MINPP1: variants seen among roughly 807,000 people sequenced by gnomAD.
The protein encoded by MINPP1 is multiple inositol polyphosphate phosphatase 1.
MINPP1 carries 28 observed loss-of-function variants against 46.1 expected under a neutral mutation model. The ratio of observed to expected loss-of-function variants is 0.61; its 90% CI spans 0.45 to 0.83. MINPP1 has a LOEUF of 0.83. Among genes scored for constraint, MINPP1 ranks in the 40% least tolerant of loss-of-function variants. The probability of loss-of-function intolerance (pLI) is 0.00; values close to 1 mark genes in which losing one functional copy is unlikely to be tolerated. For synonymous variants in MINPP1, 268 were observed against 249.1 expected, an observed-to-expected ratio of 1.08 and a Z score of -0.72; for missense variants, 603 against 610.0, an observed-to-expected ratio of 0.99 and a Z score of 0.12.
rs1241232705 is a variant in MINPP1, at chr10:87,505,520, A to G, written c.605A>G (p.Tyr202Cys). ...AAFLQGLWQH[Y>C]HPGLPPPDVA... ...TTCCTGCAGGGGCTGTGGCAGCACT[A>G]CCACCCTGGCTTGCCGCCGCCGGAC... The change falls in exon 1 of 5, where the codon TAC (tyrosine) becomes TGC (cysteine). Residue 202 changes from tyrosine to cysteine, a missense_variant. Tyr to Cys is a radical substitution (Grantham distance 194, BLOSUM62 -2). This residue lies in a region of MINPP1 where 344 missense variants were observed against 381.1 expected (regional missense o/e 0.90). Coordinates refer to ENST00000371996, the MANE Select transcript of MINPP1 (RefSeq NM_004897.5). The surrounding 1 kb of genome is among the most constrained non-coding windows in gnomAD (Gnocchi z 4.4). The G allele has an allele frequency of 6.2e-7, 1 of 1,610,938 alleles. No individual in the cohort carries two copies. The highest frequency in any genetic ancestry group is 1.1e-5 in the South Asian group (1 of 90,852).
At chr10:87,521,201 T>G in intron 4 of MINPP1, 32 bp downstream of exon 4, 2 of 1,584,242 alleles carry the variant, frequency 1.3e-6, no homozygotes. Flanking sequence ...TGAAGTACAT[T>G]TTGAGTTACT....
At position 87,505,486 on chromosome 10, in the gene MINPP1, A is replaced by C; in HGVS notation, c.571A>C (p.Ser191Arg). ...TSSKHRCMDSSAAFLQGLWQH... is the reference protein window; with the variant it reads ...TSSKHRCMDSRAAFLQGLWQH... The stretch of plus-strand genomic sequence containing the variant: ...TTCCAAGCACCGCTGCATGGATAGC[A>C]GCGCCGCCTTCCTGCAGGGGCTGTG... Residue 191 changes from serine (S) to arginine (R), a missense_variant, in exon 1 of 5, where the codon AGC becomes CGC. Transcript: ENST00000371996. This position sits in a 1 kb window ranked among gnomAD's most constrained non-coding sequence, Gnocchi z 4.4. The C allele has an allele frequency of 6.2e-7, 1 of 1,612,746 alleles. No homozygotes were observed. The highest frequency in any genetic ancestry group is 8.5e-7 in the Non-Finnish European group (1 of 1,179,610).
chr10:87,539,300 T>G (rs746376182), intron 4 of MINPP1, among the ~76,000 whole-genome samples: 13 of 152,238 alleles, frequency 8.5e-5, no homozygotes, highest in Non-Finnish European at 1.9e-4. Flanking sequence ...TGTCACTTTT[T>G]GGAAAATGCA....
chr10:87,533,061 A>G (rs894116478), intron 4 of MINPP1, among the ~76,000 whole-genome samples: 1 of 151,448 alleles, frequency 6.6e-6, no homozygotes, highest in East Asian at 1.9e-4. Context: ...TTTGACATCC[A>G]TATTTTCTGA....
chr10:87,511,586 C>G (rs1393020959), intron 2 of MINPP1, among the ~76,000 whole-genome samples: 1 of 152,130 alleles, frequency 6.6e-6, no homozygotes, highest in Non-Finnish European at 1.5e-5. Flanking sequence ...GTGTATCTAA[C>G]CTCTTTACTT....
rs142972005 is a variant in MINPP1, at chr10:87,509,521, C to G, written c.835+988C>G. 4.6e-5 allele frequency among the ~76,000 whole-genome samples: 7 copies of G among 152,324 alleles called. No individual in the cohort carries two copies. The East Asian group carries it at 1.3e-3, about 29-fold the overall frequency. ...AAAAAGGCTAATGTGGTGAACATCC[C>G]TATACCCACAACTTGGTTTTACTAA... is the stretch of plus-strand genomic sequence containing the variant. On this transcript the variant is annotated intron_variant, in intron 2 of 4. Transcript: ENST00000371996.
intron 4 of MINPP1, among the ~76,000 whole-genome samples, chr10:87,529,288 A>C (rs974610156): frequency 4.6e-5 from 7 of 152,156 alleles, no homozygotes; most frequent in Admixed American, 6.5e-5. Context: ...TAGTTGATGC[A>C]GTTTCTTCCT....
Position 87,505,273 on chromosome 10 carries a change from A to C in MINPP1, c.358A>C (p.Ser120Arg), listed in dbSNP as rs1006474445. 1 of 1,611,400 alleles carries C rather than the reference A, an allele frequency of 6.2e-7. No homozygotes were observed. Among genetic ancestry groups the C allele is most frequent in the Admixed American group, 1.7e-5 (1 of 59,940 alleles). The change falls in exon 1 of 5, where the codon AGT becomes CGT. Residue 120 changes from serine to arginine, a missense_variant. Ser to Arg is a moderately radical substitution (Grantham distance 110). Transcript: ENST00000371996. The surrounding 1 kb of genome is among the most constrained non-coding windows in gnomAD (Gnocchi z 4.4). ...CCGCGGGTCCAGGGATGGCGGGGCT[A>C]GTAGTACCGGCAGCCGCGACCTGGG... ...QARGSRDGGA[S>R]STGSRDLGAA... is the part of the protein sequence containing the mutation.
chr10:87,544,359 T>TC (rs1851859187), intron 4 of MINPP1, among the ~76,000 whole-genome samples: 1 of 152,232 alleles, frequency 6.6e-6, no homozygotes, highest in Non-Finnish European at 1.5e-5. Context: ...TTTTCAGCTG[T>TC]CCATAAGCTC....
chr10:87,515,832 T>C (rs1851405833), intron 3 of MINPP1, among the ~76,000 whole-genome samples: 1 of 143,788 alleles, frequency 7.0e-6, no homozygotes, highest in South Asian at 2.3e-4. Flanking sequence ...ATTTTTTTTT[T>C]TTTTTTTTTT....
At chr10:87,527,297 T>C (rs1321664910) in intron 4 of MINPP1, among the ~76,000 whole-genome samples, 1 of 151,960 alleles carries the variant, frequency 6.6e-6, no homozygotes, top group Non-Finnish European at 1.5e-5. Flanking sequence ...CACTCATGAT[T>C]TGGCTCTATG....
At chr10:87,524,187 G>A (rs1279171552) in intron 4 of MINPP1, among the ~76,000 whole-genome samples, 1 of 152,244 alleles carries the variant, frequency 6.6e-6, no homozygotes, top group Non-Finnish European at 1.5e-5. Flanking sequence ...ATCTTAGCTA[G>A]ATCTTCTGGA....
intron 2 of MINPP1, among the ~76,000 whole-genome samples, chr10:87,508,745 T>C (rs1443804549): frequency 6.6e-6 from 1 of 152,222 alleles, no homozygotes; most frequent in Non-Finnish European, 1.5e-5. Context: ...TTTAAATTAC[T>C]GTACAAGATT....
chr10:87,539,181 A>T lies in MINPP1; in HGVS notation c.1068-12901A>T, dbSNP rs567068941. On this transcript the variant is annotated intron_variant, in intron 4 of 4. Coordinates refer to ENST00000371996, the MANE Select transcript of MINPP1 (RefSeq NM_004897.5). ...CAGATCTCAAACCTAAAACATTATG[A>T]TTCTGTATATTTCTATCCAGACATT... is the stretch of plus-strand genomic sequence containing the variant. Among the ~76,000 whole-genome samples, 7 of 152,296 alleles carry T rather than the reference A, an allele frequency of 4.6e-5. No individual in the cohort carries two copies. The South Asian group carries it at 1.5e-3, about 32-fold the overall frequency.
intron 4 of MINPP1, among the ~76,000 whole-genome samples, chr10:87,537,260 T>A (rs1851749250): frequency 6.6e-6 from 1 of 152,178 alleles, no homozygotes; most frequent in Non-Finnish European, 1.5e-5. Flanking sequence ...TTTAAGAAAC[T>A]GCCAAACTTT....
At chr10:87,512,099 A>C (rs1375148429) in intron 2 of MINPP1, among the ~76,000 whole-genome samples, 14 of 152,196 alleles carry the variant, frequency 9.2e-5, no homozygotes, top group Admixed American at 9.2e-4. Flanking sequence ...CAACCACTGC[A>C]GTTGACTTTT....
Position 87,552,365 on chromosome 10 carries a change from A to G in MINPP1, c.1351A>G (p.Thr451Ala). ...GTTACCTTTGGCTTACTCACAAGAA[A>G]CTGTTTCATTTTATGAAGATCTGAA... ...KVLPLAYSQE[T>A]VSFYEDLKNH... Residue 451 changes from threonine (T) to alanine (A), a missense_variant, in exon 5 of 5, where the codon ACT becomes GCT. Physicochemically the swap from Thr to Ala is moderately conservative, Grantham distance 58. Around this residue, in one of 3 missense-constraint regions of MINPP1, gnomAD observed 344 missense variants for 381.1 expected, o/e 0.90. Coordinates refer to ENST00000371996, the MANE Select transcript of MINPP1 (RefSeq NM_004897.5). 2 of 1,613,668 alleles carry G rather than the reference A, an allele frequency of 1.2e-6. No individual in the cohort carries two copies. The highest frequency in any genetic ancestry group is 1.7e-6 in the Non-Finnish European group (2 of 1,179,734).
chr10:87,507,188 A>G (rs1378364890), intron 1 of MINPP1, among the ~76,000 whole-genome samples: 1 of 152,120 alleles, frequency 6.6e-6, no homozygotes, highest in African/African-American at 2.4e-5. Flanking sequence ...TAGCCACTTT[A>G]TTATTCTCTA....
intron 4 of MINPP1, among the ~76,000 whole-genome samples, chr10:87,533,308 C>T (rs1439355877): frequency 6.6e-6 from 1 of 151,724 alleles, no homozygotes; most frequent in Non-Finnish European, 1.5e-5. Flanking sequence ...TAAATATAAC[C>T]GGCCCTTGAA....
Sources: gnomAD v4.1 joint callset for allele counts (sites outside exome capture counted in the v4.1 genomes callset) on GRCh38, gnomAD v4.1.1 for gene constraint, gnomAD v4.1.1 regional missense constraint, Gnocchi (gnomAD v3.1) non-coding constraint, MANE v1.5 for transcripts, NCBI Gene and HGNC (gene_info 2026-07-23, HGNC 2026-07-21) for gene names.